Variants in BMP2K observed in about 807,000 individuals in gnomAD.
BMP2K encodes BMP2 inducible kinase, also known as BMP-2-inducible protein kinase.
In BMP2K, 74 loss-of-function variants were observed where a neutral mutation model predicts 116.0. The observed-to-expected ratio is 0.64, with a 90% CI of 0.53 to 0.77. BMP2K has a LOEUF of 0.77. BMP2K is among the 30% of genes least tolerant of loss of function. The pLI is 0.00. For missense variants in BMP2K, 1,365 were observed against 1,403.6 expected (o/e 0.97, Z 0.44); for synonymous variants, 486 against 502.5 (o/e 0.97, Z 0.44).
At chr4:78,880,710 C>T (rs1732851289) in intron 14 of BMP2K, among the ~76,000 whole-genome samples, 1 of 152,138 alleles carries the variant, frequency 6.6e-6, no homozygotes, top group Admixed American at 6.5e-5. Flanking sequence ...ACGTAAAATT[C>T]TTAAGTAGCT....
intron 15 of BMP2K, among the ~76,000 whole-genome samples, chr4:78,904,069 A>T (rs1734160048): frequency 6.6e-6 from 1 of 152,010 alleles, no homozygotes; most frequent in South Asian, 2.1e-4. Context: ...GAATTATGAA[A>T]GAGTATTAAA....
At chr4:78,813,703 T>C (rs1462464724) in intron 1 of BMP2K, among the ~76,000 whole-genome samples, 1 of 152,192 alleles carries the variant, frequency 6.6e-6, no homozygotes, top group African/African-American at 2.4e-5. Flanking sequence ...CAAAGTCACC[T>C]CAGGTCTTCC....
At chr4:78,782,979 G>A (rs866818803) in intron 1 of BMP2K, among the ~76,000 whole-genome samples, 7 of 152,320 alleles carry the variant, frequency 4.6e-5, no homozygotes, top group Middle Eastern at 3.4e-3. Context: ...AGAAGATAAT[G>A]TGTGACAGTA....
At chr4:78,880,524 T>TA (rs1285803326) in intron 14 of BMP2K, among the ~76,000 whole-genome samples, 1 of 152,208 alleles carries the variant, frequency 6.6e-6, no homozygotes, top group African/African-American at 2.4e-5. Flanking sequence ...AAATTATTTT[T>TA]AAAAAATGAA....
At position 78,842,378 on chromosome 4, in the gene BMP2K, TG is replaced by T. The variant is rs759963534; in HGVS notation, c.404-5del. 6.4e-7 allele frequency: 1 copy of T among 1,573,864 alleles called. No individual in the cohort carries two copies. The highest frequency in any genetic ancestry group is 8.7e-7 in the Non-Finnish European group (1 of 1,153,270). On this transcript the variant is annotated splice_region_variant and splice_polypyrimidine_tract_variant and intron_variant, in intron 3 of 15. Coordinates refer to ENST00000502613, the MANE Select transcript of BMP2K (RefSeq NM_198892.2). Reference sequence around the variant, plus strand: ...ATATGTCCTCTCAAAATTACTTTTTTGGTTAGCTGGACAGGTAGTGAATCAA... The same window carrying T: ...ATATGTCCTCTCAAAATTACTTTTTTGTTAGCTGGACAGGTAGTGAATCAA...
At chr4:78,827,609 G>A (rs1410568734) in intron 2 of BMP2K, among the ~76,000 whole-genome samples, 2 of 152,082 alleles carry the variant, frequency 1.3e-5, no homozygotes, top group Non-Finnish European at 2.9e-5. Context: ...CTGGAAGGGA[G>A]TTCTTCTGAT....
At chr4:78,854,799 A>G (rs1047603629) in intron 7 of BMP2K, among the ~76,000 whole-genome samples, 2 of 152,144 alleles carry the variant, frequency 1.3e-5, no homozygotes, top group Non-Finnish European at 2.9e-5. Flanking sequence ...ACAAATACAG[A>G]CAGAGCAGTG....
intron 1 of BMP2K, among the ~76,000 whole-genome samples, chr4:78,824,565 G>C (rs983297521): frequency 6.6e-6 from 1 of 152,150 alleles, no homozygotes; most frequent in Non-Finnish European, 1.5e-5. Flanking sequence ...TGCCCTTGAC[G>C]TGGGGATTAT....
chr4:78,780,000 G>A (rs1727428082), intron 1 of BMP2K, among the ~76,000 whole-genome samples: 1 of 152,130 alleles, frequency 6.6e-6, no homozygotes, highest in African/African-American at 2.4e-5. Context: ...CGGTATGTTG[G>A]TTTTAGCTTC....
In BMP2K at chr4:78,913,865, A is replaced by G. The variant is rs1442991667; in HGVS notation, c.*1832A>G. On this transcript the variant is annotated 3_prime_UTR_variant, in exon 16 of 16. Transcript: ENST00000502613. ...TATTTAGAGCTGGACTGCACCAATT[A>G]CTTGTCCTCGTGCCAAAGGCAAATA... 1 of 151,376 alleles carries G rather than the reference A, an allele frequency of 6.6e-6. No homozygotes were observed. The highest frequency in any genetic ancestry group is 2.4e-5 in the African/African-American group (1 of 41,174). The allele number at this position is 151,376 out of a possible 1,614,324, so 9.4% of individuals were successfully genotyped here.
chr4:78,819,299 C>T (rs1167413772), intron 1 of BMP2K, among the ~76,000 whole-genome samples: 2 of 152,130 alleles, frequency 1.3e-5, no homozygotes, highest in African/African-American at 2.4e-5. Context: ...AGGCGATCCA[C>T]CATCCTTGGC....
chr4:78,782,716 T>C lies in BMP2K; in HGVS notation c.178+5995T>C, dbSNP rs1469553606. Among the ~76,000 whole-genome samples, 3 of 152,232 alleles carry C rather than the reference T, an allele frequency of 2.0e-5. No individual in the cohort carries two copies. In the East Asian group the frequency reaches 5.8e-4, roughly 29 times the overall value. On this transcript the variant is annotated intron_variant, in intron 1 of 15. Coordinates refer to ENST00000502613, the MANE Select transcript of BMP2K (RefSeq NM_198892.2). ...ATTGACATTGTATTTTTATTTATTC[T>C]ACAAAGGTGGCTGAGTTTTTAAAAA... is the stretch of plus-strand genomic sequence containing the variant.
chr4:78,816,391 G>T (rs1191342834), intron 1 of BMP2K, among the ~76,000 whole-genome samples: 1 of 151,970 alleles, frequency 6.6e-6, no homozygotes, highest in Non-Finnish European at 1.5e-5. Flanking sequence ...TATGATTTTA[G>T]CATACATTGA....
intron 1 of BMP2K, among the ~76,000 whole-genome samples, chr4:78,817,672 A>G (rs181495087): frequency 6.6e-6 from 1 of 152,256 alleles, no homozygotes; most frequent in Non-Finnish European, 1.5e-5. Flanking sequence ...ATCATTGGCC[A>G]TATGATTGAA....
At chr4:78,788,005 G>C (rs1461204850) in intron 1 of BMP2K, among the ~76,000 whole-genome samples, 2 of 151,734 alleles carry the variant, frequency 1.3e-5, no homozygotes, top group African/African-American at 2.4e-5. Flanking sequence ...GGTTAGTTTA[G>C]GTTTTACTAT....
chr4:78,840,105 A>G (rs1730686607), intron 3 of BMP2K, among the ~76,000 whole-genome samples: 1 of 150,804 alleles, frequency 6.6e-6, no homozygotes, highest in Non-Finnish European at 1.5e-5. Flanking sequence ...ACTAAGTGGT[A>G]ATATGTGTAC....
At position 78,776,464 on chromosome 4, in the gene BMP2K, C is replaced by T. The variant is rs1727235077; in HGVS notation, c.-80C>T. On this transcript the variant is annotated 5_prime_UTR_variant, in exon 1 of 16. Transcript: ENST00000502613. ...TCGGACGGGCCAGGGGCGGCGACCCCTCGCGGACGCCCGGCTGCGCGCCGG... is the reference window on the plus strand; with the variant it reads ...TCGGACGGGCCAGGGGCGGCGACCCTTCGCGGACGCCCGGCTGCGCGCCGG... The T allele has an allele frequency of 2.7e-6, 3 of 1,098,834 alleles. No individual in the cohort carries two copies. The highest frequency in any genetic ancestry group is 3.3e-5 in the African/African-American group (2 of 59,728). 68.1% of individuals were successfully genotyped at this position (1,098,834 alleles called of 1,614,324 possible).
chr4:78,863,137 A>G (rs1246407537), intron 9 of BMP2K, among the ~76,000 whole-genome samples: 1 of 152,106 alleles, frequency 6.6e-6, no homozygotes, highest in African/African-American at 2.4e-5. Context: ...TAAAATTCAC[A>G]GTGCTTATTT....
intron 15 of BMP2K, among the ~76,000 whole-genome samples, chr4:78,895,116 A>G (rs981119152): frequency 1.6e-4 from 25 of 152,216 alleles, no homozygotes; most frequent in African/African-American, 5.1e-4. Context: ...AAAGTTTTAA[A>G]TATTGTAAGA....
Sources: allele counts gnomAD v4.1 joint callset (sites outside exome capture counted in the v4.1 genomes callset), GRCh38; gene constraint gnomAD v4.1.1; transcripts MANE v1.5; gene names NCBI Gene and HGNC (gene_info 2026-07-23, HGNC 2026-07-21).